The following MCC variants were observed in gnomAD, a reference collection of about 807,000 sequenced individuals.
The protein encoded by MCC is MCC regulator of Wnt signaling pathway, also known as colorectal mutant cancer protein.
Under a neutral mutation model 116.2 loss-of-function variants are expected in MCC, and 90 were observed. That is an observed-to-expected ratio of 0.77 (90% CI 0.65 to 0.92). MCC has a LOEUF of 0.92. Ranked by LOEUF, MCC falls within the 40% of genes least tolerant of loss-of-function variation. MCC has a pLI of 0.00. For missense variants in MCC, 1,516 were observed against 1,312.2 expected (o/e 1.16, Z -2.40); for synonymous variants, 578 against 510.5 (o/e 1.13, Z -1.78).
chr5:113,040,347 C>T (rs1458783018), intron 17 of MCC, among the ~76,000 whole-genome samples: 1 of 152,094 alleles, frequency 6.6e-6, no homozygotes, highest in African/African-American at 2.4e-5. Flanking sequence ...AGGGCACCTT[C>T]CCTGGGATGG....
chr5:113,087,977 G>T (rs1243241013), intron 8 of MCC, among the ~76,000 whole-genome samples: 1 of 152,200 alleles, frequency 6.6e-6, no homozygotes. Flanking sequence ...TTACTCTACA[G>T]AGGCAATTTA....
chr5:113,400,995 G>T (rs11241206), intron 1 of MCC, among the ~76,000 whole-genome samples: 28,050 of 152,104 alleles, frequency 0.18, 3,110 homozygotes, highest in Admixed American at 0.31. Context: ...CATTATGTAA[G>T]GCAGTCATGT....
At chr5:113,367,254 T>C (rs1768718416) in intron 2 of MCC, among the ~76,000 whole-genome samples, 2 of 152,136 alleles carry the variant, frequency 1.3e-5, no homozygotes, top group African/African-American at 2.4e-5. Context: ...GAGTTTTTTT[T>C]CTTGAACAAT....
chr5:113,386,319 TC>T (rs1769253588), intron 1 of MCC, among the ~76,000 whole-genome samples: 1 of 152,194 alleles, frequency 6.6e-6, no homozygotes, highest in African/African-American at 2.4e-5. Flanking sequence ...AGACCACTCT[TC>T]AAGTCACCCT....
In MCC at chr5:113,443,792, T is replaced by C. The variant is rs370259023; in HGVS notation, c.170+44453A>G. On this transcript the variant is annotated intron_variant, in intron 1 of 18. Transcript: ENST00000408903. ...TCATTGGTTGTGTTTATTTGATGGATAACATTTATTGATTTGCATATGTTG... is the reference window on the plus strand; with the variant it reads ...TCATTGGTTGTGTTTATTTGATGGACAACATTTATTGATTTGCATATGTTG... Among the ~76,000 whole-genome samples the C allele has an allele frequency of 7.2e-5, 11 of 152,302 alleles. No homozygotes were observed. In the South Asian group the frequency reaches 1.9e-3, roughly 26 times the overall value.
intron 3 of MCC, among the ~76,000 whole-genome samples, chr5:113,202,852 C>T (rs1037036420): frequency 6.6e-6 from 1 of 151,672 alleles, no homozygotes; most frequent in East Asian, 1.9e-4. Context: ...TTTATGGCGT[C>T]CGTGTTAGAA....
chr5:113,197,179 G>A (rs138977134), intron 3 of MCC, among the ~76,000 whole-genome samples: 76 of 152,254 alleles, frequency 5.0e-4, no homozygotes, highest in Non-Finnish European at 4.3e-4. Context: ...ATACGTTCTG[G>A]GTCGATGGGG....
rs1013088097 is a variant in MCC at position 113,245,407 on chromosome 5, T to A, written c.628-93985A>T. On this transcript the variant is annotated intron_variant, in intron 3 of 18. Coordinates refer to ENST00000408903, the MANE Select transcript of MCC (RefSeq NM_001085377.2). ...CTTGTGTTCTCCAAGTCATCTGTTT[T>A]TTTTTAACCCAATGAAATATTTTAA... Among the ~76,000 whole-genome samples the A allele has an allele frequency of 2.6e-5, 4 of 152,152 alleles. No individual in the cohort carries two copies. In the East Asian group the frequency reaches 5.8e-4, roughly 22 times the overall value.
intron 3 of MCC, among the ~76,000 whole-genome samples, chr5:113,223,029 T>C (rs1430949161): frequency 2.0e-5 from 3 of 152,218 alleles, no homozygotes; most frequent in Non-Finnish European, 4.4e-5. Context: ...GCCAGACTAC[T>C]GTGAGGAAGT....
intron 3 of MCC, among the ~76,000 whole-genome samples, chr5:113,202,872 G>T (rs1240260615): frequency 2.6e-5 from 4 of 151,350 alleles, no homozygotes; most frequent in Non-Finnish European, 5.9e-5. Flanking sequence ...AGAGTGACTT[G>T]ACATATTCTC....
intron 1 of MCC, among the ~76,000 whole-genome samples, chr5:113,468,107 T>G (rs1469400445): frequency 6.6e-6 from 1 of 152,188 alleles, no homozygotes; most frequent in Admixed American, 6.5e-5. Flanking sequence ...TTTCTAGATA[T>G]ACAATCATGT....
intron 3 of MCC, among the ~76,000 whole-genome samples, chr5:113,238,761 A>T (rs1046563556): frequency 1.3e-5 from 2 of 152,232 alleles, no homozygotes; most frequent in Non-Finnish European, 2.9e-5. Flanking sequence ...CTCGACTATC[A>T]AGGTGATCCA....
chr5:113,443,865 C>T (rs1372930275), intron 1 of MCC, among the ~76,000 whole-genome samples: 1 of 151,984 alleles, frequency 6.6e-6, no homozygotes, highest in Non-Finnish European at 1.5e-5. Flanking sequence ...GCTTTTTCAC[C>T]CAGGCTGGAG....
intron 3 of MCC, among the ~76,000 whole-genome samples, chr5:113,308,669 TAAC>T (rs1238793692): frequency 6.6e-6 from 1 of 151,870 alleles, no homozygotes; most frequent in African/African-American, 2.4e-5. Flanking sequence ...ACAGAAAATC[TAAC>T]AAAAATTATC....
At chr5:113,190,843 A>T (rs956167439) in intron 3 of MCC, among the ~76,000 whole-genome samples, 6 of 152,182 alleles carry the variant, frequency 3.9e-5, no homozygotes, top group Non-Finnish European at 8.8e-5. Flanking sequence ...AGGCAGAGAA[A>T]AATAAATGTC....
At chr5:113,425,957 T>C (rs1263955601) in intron 1 of MCC, among the ~76,000 whole-genome samples, 1 of 151,996 alleles carries the variant, frequency 6.6e-6, no homozygotes, top group Non-Finnish European at 1.5e-5. Flanking sequence ...CATCATCAAG[T>C]GAGTCTGGCA....
intron 3 of MCC, among the ~76,000 whole-genome samples, chr5:113,196,148 C>T (rs1762393464): frequency 6.6e-6 from 1 of 152,198 alleles, no homozygotes; most frequent in Non-Finnish European, 1.5e-5. Flanking sequence ...TGGTGATATA[C>T]CTATGGGTGA....
At chr5:113,079,247 AT>A (rs1754674806) in intron 11 of MCC, among the ~76,000 whole-genome samples, 1 of 152,234 alleles carries the variant, frequency 6.6e-6, no homozygotes, top group African/African-American at 2.4e-5. Flanking sequence ...CAATTTATAG[AT>A]TCAATGCCAT....
rs371088312 is a variant in MCC at position 113,299,942 on chromosome 5, G to A, written c.627+40577C>T. ...TCTCTTCTCATCTGGTCCCTGGGAT[G>A]AGAAGAGGCAGCAGCAGTCTTGGGA... On this transcript the variant is annotated intron_variant, in intron 3 of 18. Coordinates refer to ENST00000408903, the MANE Select transcript of MCC (RefSeq NM_001085377.2). Among the ~76,000 whole-genome samples, 139 of 152,336 alleles carry A rather than the reference G, an allele frequency of 9.1e-4. 1 individual carries two copies. The highest frequency in any genetic ancestry group is 3.2e-3 in the African/African-American group (133 of 41,576).
Sources: gnomAD v4.1 joint callset for allele counts (sites outside exome capture counted in the v4.1 genomes callset) on GRCh38, gnomAD v4.1.1 for gene constraint, MANE v1.5 for transcripts, NCBI Gene and HGNC (gene_info 2026-07-23, HGNC 2026-07-21) for gene names.